Variants in NEDD1 observed in about 807,000 individuals in gnomAD.
The protein encoded by NEDD1 is NEDD1 gamma-tubulin ring complex targeting factor.
NEDD1 carries 33 observed loss-of-function variants against 74.0 expected under a neutral mutation model. That is an observed-to-expected ratio of 0.45 (90% CI 0.34 to 0.60). NEDD1 has a LOEUF of 0.60. Among genes scored for constraint, NEDD1 ranks in the 20% least tolerant of loss-of-function variants. The pLI is 0.01. For missense variants in NEDD1, 746 were observed against 776.5 expected (o/e 0.96, Z 0.47); for synonymous variants, 250 against 264.4 (o/e 0.95, Z 0.53).
At chr12:96,911,258 T>A (rs1461647721) in intron 3 of NEDD1, among the ~76,000 whole-genome samples, 1 of 152,084 alleles carries the variant, frequency 6.6e-6, no homozygotes, top group Non-Finnish European at 1.5e-5. Context: ...TGTAGTAAGA[T>A]TATTTTTTGG....
intron 6 of NEDD1, among the ~76,000 whole-genome samples, chr12:96,921,887 A>G (rs938113134): frequency 6.6e-6 from 1 of 151,792 alleles, no homozygotes; most frequent in Admixed American, 6.6e-5. Context: ...AAGTGCTGGG[A>G]TTACAGGCAT....
At position 96,936,947 on chromosome 12, in the gene NEDD1, A is replaced by T. The variant is rs973932932; in HGVS notation, c.921+135A>T. On this transcript the variant is annotated intron_variant, in intron 8 of 15. Transcript: ENST00000266742. Reference sequence around the variant, plus strand: ...AATGATTTTACATGTAATGTATAATAATTTTAGTACAAAGCCATTTGATAT... The same window carrying T: ...AATGATTTTACATGTAATGTATAATTATTTTAGTACAAAGCCATTTGATAT... 5.6e-5 allele frequency: 34 copies of T among 608,870 alleles called. No homozygotes were observed. The African/African-American group carries it at 6.1e-4, about 11-fold the overall frequency. 37.7% of individuals were successfully genotyped at this position (608,870 alleles called of 1,614,324 possible).
chr12:96,909,988 A>G (rs1873747198), intron 3 of NEDD1, 93 bp downstream of exon 3: 1 of 1,351,676 alleles, frequency 7.4e-7, no homozygotes, highest in African/African-American at 1.5e-5. Flanking sequence ...CATGTGCCTC[A>G]TACTGAGTAA....
At chr12:96,943,833 A>G (rs1171898385) in intron 12 of NEDD1, 71 bp downstream of exon 12, 3 of 835,134 alleles carry the variant, frequency 3.6e-6, no homozygotes, top group Non-Finnish European at 5.9e-6. Flanking sequence ...CTGCCAGTGC[A>G]TGTATCCTAA....
intron 4 of NEDD1, among the ~76,000 whole-genome samples, chr12:96,916,900 TTAG>T (rs746424262): frequency 2.0e-5 from 3 of 152,186 alleles, no homozygotes; most frequent in Non-Finnish European, 4.4e-5. Context: ...TGGGTTAGTG[TTAG>T]TAGTAGCTAT....
Position 96,911,226 on chromosome 12 carries a change from A to AT in NEDD1, c.136+1332dup, listed in dbSNP as rs770507945. 4.5e-4 allele frequency among the ~76,000 whole-genome samples: 69 copies of AT among 152,204 alleles called. 1 individual carries two copies. Among genetic ancestry groups the AT allele is most frequent in the Non-Finnish European group, 7.9e-4 (54 of 68,040 alleles). ...TTAGAGCTTAATTTTCCCTCTTACT[A>AT]TATAAGAGAAAGGTAGCAATTTGTA... On this transcript the variant is annotated intron_variant, in intron 3 of 15. Transcript: ENST00000266742.
chr12:96,951,924 A>T (rs1565818191), intron 15 of NEDD1, 25 bp from the exon 16 acceptor site: 3 of 1,225,994 alleles, frequency 2.4e-6, no homozygotes, highest in Non-Finnish European at 3.6e-6. Flanking sequence ...TCAATAATTT[A>T]AAAAGCATTT....
chr12:96,949,441 C>T (rs1017699446), intron 14 of NEDD1, among the ~76,000 whole-genome samples: 1 of 151,918 alleles, frequency 6.6e-6, no homozygotes, highest in East Asian at 1.9e-4. Flanking sequence ...AAAGCATTAA[C>T]ATTTAAATAA....
chr12:96,907,280 C>G lies in NEDD1; in HGVS notation c.-282C>G. 3.6e-6 allele frequency: 1 copy of G among 276,782 alleles called. No homozygotes were observed. The highest frequency in any genetic ancestry group is 2.2e-5 in the African/African-American group (1 of 45,164). The allele number at this position is 276,782 out of a possible 1,614,324, so 17.1% of individuals were successfully genotyped here. ...CCAGCGCGGAGCCGGCCGCGGCCCC[C>G]TGTTGTGTTGCTGCGGAGAGGTGAG... On this transcript the variant is annotated 5_prime_UTR_variant, in exon 1 of 16. Transcript: ENST00000266742.
intron 13 of NEDD1, among the ~76,000 whole-genome samples, chr12:96,945,096 C>T (rs1878069876): frequency 6.6e-6 from 1 of 151,982 alleles, no homozygotes; most frequent in Non-Finnish European, 1.5e-5. Flanking sequence ...GGTTAACTAC[C>T]TGAAAATGTC....
chr12:96,940,523 C>T lies in NEDD1; in HGVS notation c.1232C>T (p.Ser411Leu). 2 of 1,604,640 alleles carry T rather than the reference C, an allele frequency of 1.2e-6. No individual in the cohort carries two copies. The highest frequency in any genetic ancestry group is 8.5e-7 in the Non-Finnish European group (1 of 1,173,144). ...AAAAGTAGTTTAGGTGACATGTTCT[C>T]ACCTATCAGAGATGGTAAGTCTGTT... The part of the protein sequence containing the change: ...TGKSSLGDMF[S>L]PIRDDAVVNK... The change falls in exon 10 of 16, where the codon TCA (serine) becomes TTA (leucine). Residue 411 changes from serine (S) to leucine (L), a missense_variant. Coordinates refer to ENST00000266742, the MANE Select transcript of NEDD1 (RefSeq NM_152905.4).
intron 6 of NEDD1, among the ~76,000 whole-genome samples, chr12:96,928,509 T>C (rs768006922): frequency 2.0e-5 from 3 of 152,052 alleles, no homozygotes; most frequent in Non-Finnish European, 2.9e-5. Flanking sequence ...TTATCTTTGG[T>C]CTCAAATGTG....
In NEDD1 at chr12:96,935,094, G is replaced by T; in HGVS notation, c.608G>T (p.Ser203Ile). 1 of 1,611,344 alleles carries T rather than the reference G, an allele frequency of 6.2e-7. No individual in the cohort carries two copies. The highest frequency in any genetic ancestry group is 8.5e-7 in the Non-Finnish European group (1 of 1,177,420). Residue 203 changes from serine to isoleucine, a missense_variant, in exon 7 of 16, where the codon AGT becomes ATT. This residue lies in a region of NEDD1 where 706 missense variants were observed against 706.7 expected (regional missense o/e 1.00). Coordinates refer to ENST00000266742, the MANE Select transcript of NEDD1 (RefSeq NM_152905.4). ...NSQSPYHNFD[S>I]VHKAPASGIC... ...CAGAGTCCATACCATAACTTTGACA[G>T]TGTACACAAAGCTCCAGCGTCAGGC... is the stretch of plus-strand genomic sequence containing the variant.
At chr12:96,931,442 A>G (rs1260648583) in intron 6 of NEDD1, among the ~76,000 whole-genome samples, 2 of 152,218 alleles carry the variant, frequency 1.3e-5, no homozygotes, top group Non-Finnish European at 2.9e-5. Flanking sequence ...GTTGCAAATT[A>G]GTATTTTAAA....
At chr12:96,909,934 A>ACACACACACACACAC in intron 3 of NEDD1, 39 bp downstream of exon 3, 1 of 1,581,034 alleles carries the variant, frequency 6.3e-7, no homozygotes, top group South Asian at 1.2e-5. Context: ...ACACACACAC[A>ACACACACACACACAC]AACCGCTTAT....
chr12:96,930,869 G>A (rs1458474504), intron 6 of NEDD1, among the ~76,000 whole-genome samples: 2 of 151,986 alleles, frequency 1.3e-5, no homozygotes, highest in Admixed American at 6.5e-5. Flanking sequence ...CAGTATTGAC[G>A]GTCATTCAGA....
chr12:96,915,977 GAT>G (rs1406857620), intron 4 of NEDD1, among the ~76,000 whole-genome samples: 4 of 152,298 alleles, frequency 2.6e-5, no homozygotes, highest in Non-Finnish European at 4.4e-5. Flanking sequence ...CACTTAAGTT[GAT>G]ATCTGTTGAC....
rs1366761489 is a variant in NEDD1 at position 96,952,584 on chromosome 12, T to G, written c.*531T>G. 2 of 151,928 alleles carry G rather than the reference T, an allele frequency of 1.3e-5. No individual in the cohort carries two copies. Among genetic ancestry groups the G allele is most frequent in the South Asian group, 4.1e-4 (2 of 4,836 alleles). 9.4% of individuals were successfully genotyped at this position (151,928 alleles called of 1,614,324 possible). On this transcript the variant is annotated 3_prime_UTR_variant, in exon 16 of 16. Coordinates refer to ENST00000266742, the MANE Select transcript of NEDD1 (RefSeq NM_152905.4). ...TGATGAAGTCAAGTATGACTATTAT[T>G]TATTGTACATTTGATAAGACAATTT...
intron 6 of NEDD1, among the ~76,000 whole-genome samples, chr12:96,926,489 T>C (rs142362184): frequency 4.9e-4 from 75 of 152,244 alleles, no homozygotes; most frequent in African/African-American, 1.8e-3. Flanking sequence ...GGAAAGACAG[T>C]TTTCATGATT....
Sources: allele counts gnomAD v4.1 joint callset (sites outside exome capture counted in the v4.1 genomes callset), GRCh38; gene constraint gnomAD v4.1.1; regional missense constraint gnomAD v4.1.1; transcripts MANE v1.5; gene names NCBI Gene and HGNC (gene_info 2026-07-23, HGNC 2026-07-21).